RBFOX1: variants seen among roughly 807,000 people sequenced by gnomAD.
The protein encoded by RBFOX1 is RNA binding protein fox-1 homolog 1.
In RBFOX1, 8 loss-of-function variants were observed where a neutral mutation model predicts 57.7. The ratio of observed to expected loss-of-function variants is 0.14; its 90% CI spans 0.08 to 0.25. RBFOX1 has a LOEUF of 0.25. Among genes scored for constraint, RBFOX1 ranks in the 10% least tolerant of loss-of-function variants. RBFOX1 has a pLI of 1.00. For missense variants in RBFOX1, 611 were observed against 548.5 expected, an observed-to-expected ratio of 1.11 and a Z score of -1.14; for synonymous variants, 326 against 222.4, an observed-to-expected ratio of 1.47 and a Z score of -4.15.
chr16:6,890,458 T>G (rs2153372717), intron 3 of RBFOX1, among the ~76,000 whole-genome samples: 1 of 152,256 alleles, frequency 6.6e-6, no homozygotes, highest in African/African-American at 2.4e-5. Flanking sequence ...GGCAGAGATT[T>G]CGGTGAACTG....
intron 1 of RBFOX1, among the ~76,000 whole-genome samples, chr16:5,364,186 C>T (rs1008488125): frequency 6.6e-6 from 1 of 152,196 alleles, no homozygotes; most frequent in African/African-American, 2.4e-5. Flanking sequence ...AAGTTTCCTT[C>T]ACATTTAGGA....
intron 4 of RBFOX1, among the ~76,000 whole-genome samples, chr16:7,181,999 C>T (rs370034984): frequency 3.3e-5 from 5 of 152,264 alleles, no homozygotes; most frequent in African/African-American, 7.2e-5. Flanking sequence ...ACAAGCATAC[C>T]ACTGATTCCA....
intron 2 of RBFOX1, among the ~76,000 whole-genome samples, chr16:6,522,552 T>G (rs1431341769): frequency 6.6e-6 from 1 of 152,328 alleles, no homozygotes; most frequent in Admixed American, 6.5e-5. Context: ...TGAAGCTGTT[T>G]CTATTAATTT....
intron 4 of RBFOX1, among the ~76,000 whole-genome samples, chr16:7,444,312 T>C (rs1180219009): frequency 1.3e-5 from 2 of 152,108 alleles, no homozygotes; most frequent in Non-Finnish European, 2.9e-5. Flanking sequence ...TCCCTAGGAT[T>C]GTGTCAGAGT....
At chr16:7,353,754 G>A (rs373233857) in intron 4 of RBFOX1, among the ~76,000 whole-genome samples, 76 of 152,288 alleles carry the variant, frequency 5.0e-4, no homozygotes, top group African/African-American at 1.6e-3. Context: ...TTCAGCATAA[G>A]CAAACCTATA....
intron 4 of RBFOX1, among the ~76,000 whole-genome samples, chr16:7,309,084 G>A (rs990122267): frequency 6.6e-6 from 1 of 152,182 alleles, no homozygotes; most frequent in Admixed American, 6.5e-5. Flanking sequence ...AATTTAAGTG[G>A]CTGGAATGAG....
chr16:6,099,080 G>A (rs2096276500), intron 1 of RBFOX1, among the ~76,000 whole-genome samples: 1 of 152,192 alleles, frequency 6.6e-6, no homozygotes, highest in Admixed American at 6.5e-5. Context: ...CTGTCATGTT[G>A]TATGAGTCCA....
At chr16:6,817,745 A>G (rs1056765667) in intron 3 of RBFOX1, among the ~76,000 whole-genome samples, 7 of 152,048 alleles carry the variant, frequency 4.6e-5, no homozygotes, top group African/African-American at 1.7e-4. Context: ...AACAGTCTAC[A>G]TGAAGGTTGT....
chr16:7,040,171 C>T (rs777764433), intron 3 of RBFOX1, among the ~76,000 whole-genome samples: 4 of 152,010 alleles, frequency 2.6e-5, no homozygotes, highest in Non-Finnish European at 5.9e-5. Context: ...CAGGTGCCCG[C>T]CACCATGCTA....
chr16:6,776,890 T>A (rs1265532240), intron 3 of RBFOX1, among the ~76,000 whole-genome samples: 1 of 152,258 alleles, frequency 6.6e-6, no homozygotes, highest in Non-Finnish European at 1.5e-5. Flanking sequence ...ACATTTTAAT[T>A]ACAGCAAATA....
chr16:5,334,464 T>G (rs7185834), intron 1 of RBFOX1, among the ~76,000 whole-genome samples: 137,080 of 152,080 alleles, frequency 0.9, 63,529 homozygotes, highest in East Asian at 1. Flanking sequence ...CTCAGGTCCA[T>G]ATCTTTTCAG....
chr16:6,963,086 C>G (rs182030023), intron 3 of RBFOX1, among the ~76,000 whole-genome samples: 1 of 152,068 alleles, frequency 6.6e-6, no homozygotes, highest in African/African-American at 2.4e-5. Context: ...GCCCACCTTC[C>G]CTCTCCTTTA....
intron 2 of RBFOX1, among the ~76,000 whole-genome samples, chr16:6,319,448 C>T (rs768669684): frequency 9.9e-5 from 15 of 152,156 alleles, no homozygotes; most frequent in Middle Eastern, 3.4e-3. Context: ...TAATGATGGT[C>T]GAACAGGTAC....
intron 3 of RBFOX1, among the ~76,000 whole-genome samples, chr16:6,875,913 A>T (rs1171919939): frequency 2.0e-5 from 3 of 152,152 alleles, no homozygotes; most frequent in African/African-American, 4.8e-5. Flanking sequence ...TGGGAGGATC[A>T]CTTGAGCCGG....
chr16:7,126,416 C>A, intron 4 of RBFOX1: 1 of 232,462 alleles, frequency 4.3e-6, no homozygotes, highest in South Asian at 6.6e-5. Flanking sequence ...CTGTGCAGCT[C>A]ACACAGTAAC....
intron 1 of RBFOX1, among the ~76,000 whole-genome samples, chr16:6,167,492 TTTTG>T (rs1404919635): frequency 6.6e-6 from 1 of 152,332 alleles, no homozygotes; most frequent in African/African-American, 2.4e-5. Flanking sequence ...TCATTTTGTT[TTTTG>T]TTTAACGGTT....
intron 3 of RBFOX1, among the ~76,000 whole-genome samples, chr16:6,853,221 C>T (rs74007112): frequency 0.085 from 12,970 of 152,080 alleles, 617 homozygotes; most frequent in South Asian, 0.11. Flanking sequence ...CTTTTGTGAG[C>T]ATTAATGATA....
At chr16:5,745,756 G>C (rs1192868683) in intron 3 of RBFOX1, among the ~76,000 whole-genome samples, 1 of 152,106 alleles carries the variant, frequency 6.6e-6, no homozygotes, top group African/African-American at 2.4e-5. Flanking sequence ...AGAAGTGTCT[G>C]TTCATATCCT....
chr16:5,476,175 C>T (rs2069315568), intron 2 of RBFOX1, among the ~76,000 whole-genome samples: 1 of 152,130 alleles, frequency 6.6e-6, no homozygotes, highest in African/African-American at 2.4e-5. Context: ...TGTTAAAATG[C>T]AGAATCAGGC....
Sources: allele counts gnomAD v4.1 joint callset (sites outside exome capture counted in the v4.1 genomes callset), GRCh38; gene constraint gnomAD v4.1.1; transcripts MANE v1.5; gene names NCBI Gene and HGNC (gene_info 2026-07-23, HGNC 2026-07-21).